BAZ2B: variants seen among roughly 807,000 people sequenced by gnomAD.
The protein encoded by BAZ2B is bromodomain adjacent to zinc finger domain protein 2B.
Under a neutral mutation model 246.0 loss-of-function variants are expected in BAZ2B, and 91 were observed. The observed-to-expected ratio is 0.37, with a 90% CI of 0.31 to 0.44. The LOEUF is 0.44. BAZ2B is among the 20% of genes least tolerant of loss of function. The probability of loss-of-function intolerance (pLI) is 1.00; values close to 1 mark genes in which losing one functional copy is unlikely to be tolerated. For missense variants in BAZ2B, 2,332 were observed against 2,533.7 expected (o/e 0.92, Z 1.71); for synonymous variants, 855 against 860.0 (o/e 0.99, Z 0.10).
chr2:159,678,014 C>T, the BAZ2B span, among the ~76,000 whole-genome samples: 1 of 152,038 alleles, frequency 6.6e-6, no homozygotes, highest in South Asian at 2.1e-4. Flanking sequence ...AACTTTACAG[C>T]TATGAGAAAT....
chr2:159,366,889 A>G (rs956085081), intron 27 of BAZ2B, among the ~76,000 whole-genome samples: 2 of 152,132 alleles, frequency 1.3e-5, no homozygotes, highest in African/African-American at 4.8e-5. Context: ...GGGGACGCAT[A>G]TATCTAGTGA....
intron 28 of BAZ2B, 120 bp downstream of exon 28, chr2:159,349,588 T>A: frequency 1.7e-6 from 2 of 1,187,696 alleles, no homozygotes; most frequent in Non-Finnish European, 2.3e-6. Context: ...CTTGTTTTAG[T>A]TTTCAAACTG....
intron 1 of BAZ2B, among the ~76,000 whole-genome samples, chr2:159,606,024 A>C (rs1693408324): frequency 1.3e-5 from 2 of 152,126 alleles, no homozygotes; most frequent in Non-Finnish European, 2.9e-5. Flanking sequence ...TTCAACTTTT[A>C]CTTCAAATCC....
At chr2:159,686,754 C>T in the BAZ2B span, among the ~76,000 whole-genome samples, 1 of 151,886 alleles carries the variant, frequency 6.6e-6, no homozygotes, top group African/African-American at 2.4e-5. Flanking sequence ...AAAAATATAC[C>T]ACAGTAGGCC....
intron 3 of BAZ2B, chr2:159,463,847 G>C (rs978347278): frequency 3.3e-5 from 5 of 152,124 alleles, no homozygotes; most frequent in Non-Finnish European, 7.3e-5. Context: ...TGGGATTACA[G>C]GCGCCCATCA....
intron 20 of BAZ2B, 175 bp downstream of exon 20, chr2:159,395,594 C>CAT (rs1474987939): frequency 2.1e-6 from 1 of 483,152 alleles, no homozygotes; most frequent in Non-Finnish European, 3.7e-6. Flanking sequence ...GGAACTCTTC[C>CAT]TACATTCTTT....
At chr2:159,403,751 G>T (rs1157278960) in intron 16 of BAZ2B, among the ~76,000 whole-genome samples, 1 of 152,062 alleles carries the variant, frequency 6.6e-6, no homozygotes, top group African/African-American at 2.4e-5. Context: ...TCTTTAAAAA[G>T]TTGAGCATGT....
At chr2:159,512,674 T>C (rs1020336719) in intron 2 of BAZ2B, among the ~76,000 whole-genome samples, 19 of 152,178 alleles carry the variant, frequency 1.2e-4, no homozygotes, top group Non-Finnish European at 2.4e-4. Flanking sequence ...GGTCACAGTA[T>C]AGTACAAACA....
At chr2:159,650,557 C>T in the BAZ2B span, among the ~76,000 whole-genome samples, 1 of 152,160 alleles carries the variant, frequency 6.6e-6, no homozygotes, top group Non-Finnish European at 1.5e-5. Context: ...CTTCCCTCTT[C>T]TAAACCTTTT....
intron 1 of BAZ2B, among the ~76,000 whole-genome samples, chr2:159,573,454 A>G (rs1314812159): frequency 6.6e-6 from 1 of 152,232 alleles, no homozygotes; most frequent in African/African-American, 2.4e-5. Flanking sequence ...ACAACTGAAT[A>G]TCCACATGTA....
At chr2:159,510,903 C>T (rs1231603740) in intron 2 of BAZ2B, among the ~76,000 whole-genome samples, 1 of 152,062 alleles carries the variant, frequency 6.6e-6, no homozygotes, top group Non-Finnish European at 1.5e-5. Flanking sequence ...CTCCTTTTGA[C>T]ATCTCTGGTT....
intron 27 of BAZ2B, among the ~76,000 whole-genome samples, chr2:159,355,244 T>G (rs2058975465): frequency 6.6e-6 from 1 of 152,126 alleles, no homozygotes; most frequent in Non-Finnish European, 1.5e-5. Context: ...CCCTACCCAC[T>G]CAGTATGGCT....
the BAZ2B span, among the ~76,000 whole-genome samples, chr2:159,707,970 G>C: frequency 4.9e-4 from 74 of 152,280 alleles, no homozygotes; most frequent in African/African-American, 1.8e-3. Flanking sequence ...CAGCCTGGGA[G>C]ACAAGAGTGA....
chr2:159,561,646 T>C (rs2089888372), intron 1 of BAZ2B, among the ~76,000 whole-genome samples: 1 of 152,242 alleles, frequency 6.6e-6, no homozygotes, highest in Non-Finnish European at 1.5e-5. Context: ...GGCTTATGGC[T>C]ACCATATCAG....
intron 36 of BAZ2B, among the ~76,000 whole-genome samples, chr2:159,323,051 C>T (rs1215953749): frequency 7.1e-6 from 1 of 140,676 alleles, no homozygotes; most frequent in Non-Finnish European, 1.6e-5. Flanking sequence ...AGTGCAGTGG[C>T]GAGGTAACTC....
In BAZ2B at chr2:159,395,611, C is replaced by T. The variant is rs777890254; in HGVS notation, c.3075+158G>A. ...AACTCTTCCTACATTCTTTTATGTTCTAACACTCAGTTGCTATCTCTAAAC... is the reference window on the plus strand; with the variant it reads ...AACTCTTCCTACATTCTTTTATGTTTTAACACTCAGTTGCTATCTCTAAAC... On this transcript the variant is annotated intron_variant, in intron 20 of 36. Coordinates refer to ENST00000392783, the MANE Select transcript of BAZ2B (RefSeq NM_013450.4). 3 of 542,316 alleles carry T rather than the reference C, an allele frequency of 5.5e-6. No homozygotes were observed. In the South Asian group the frequency reaches 8.7e-5, roughly 16 times the overall value. 33.6% of individuals were successfully genotyped at this position (542,316 alleles called of 1,614,324 possible).
At chr2:159,674,703 T>C in the BAZ2B span, among the ~76,000 whole-genome samples, 152 of 142,494 alleles carry the variant, frequency 1.1e-3, no homozygotes, top group Non-Finnish European at 1.9e-3. Context: ...GTGACAAGAA[T>C]GAAGCTCCGT....
At chr2:159,454,354 G>A (rs1049753609) in intron 3 of BAZ2B, among the ~76,000 whole-genome samples, 1 of 152,128 alleles carries the variant, frequency 6.6e-6, no homozygotes, top group African/African-American at 2.4e-5. Context: ...GAAATGCATT[G>A]TTAGGTGATT....
intron 27 of BAZ2B, among the ~76,000 whole-genome samples, chr2:159,363,998 C>A (rs2059974172): frequency 6.6e-6 from 1 of 152,088 alleles, no homozygotes; most frequent in East Asian, 1.9e-4. Context: ...GGGAATGCTC[C>A]TAGTCATCAG....
Sources: gnomAD v4.1 joint callset for allele counts (sites outside exome capture counted in the v4.1 genomes callset) on GRCh38, gnomAD v4.1.1 for gene constraint, MANE v1.5 for transcripts, NCBI Gene and HGNC (gene_info 2026-07-23, HGNC 2026-07-21) for gene names.